CNTNAP2: variants seen among roughly 807,000 people sequenced by gnomAD.
CNTNAP2 encodes contactin associated protein 2.
CNTNAP2 carries 98 observed loss-of-function variants against 155.2 expected under a neutral mutation model. The observed-to-expected ratio is 0.63, with a 90% confidence interval of 0.54 to 0.75. The LOEUF is 0.75. Ranked by LOEUF, CNTNAP2 falls within the 30% of genes least tolerant of loss-of-function variation. CNTNAP2 has a pLI of 0.00. For missense variants in CNTNAP2, 1,727 were observed against 1,688.1 expected (o/e 1.02, Z -0.40); for synonymous variants, 651 against 631.2 (o/e 1.03, Z -0.47).
intron 10 of CNTNAP2, among the ~76,000 whole-genome samples, chr7:147,403,411 T>G (rs1235621648): frequency 2.0e-5 from 3 of 152,174 alleles, no homozygotes; most frequent in African/African-American, 7.2e-5. Context: ...GTCCTTAACC[T>G]CAGCAAAATA....
intron 4 of CNTNAP2, among the ~76,000 whole-genome samples, chr7:147,071,262 A>G (rs1458835392): frequency 6.6e-6 from 1 of 151,978 alleles, no homozygotes; most frequent in Non-Finnish European, 1.5e-5. Context: ...TCTTCTTTTT[A>G]ACAAATAATG....
At chr7:146,414,745 C>A (rs573330479) in intron 1 of CNTNAP2, among the ~76,000 whole-genome samples, 2 of 152,060 alleles carry the variant, frequency 1.3e-5, no homozygotes, top group Non-Finnish European at 2.9e-5. Context: ...CTTGCTTATG[C>A]CTGGTATGCA....
At chr7:148,057,471 A>G (rs1803041686) in intron 15 of CNTNAP2, among the ~76,000 whole-genome samples, 1 of 152,194 alleles carries the variant, frequency 6.6e-6, no homozygotes, top group Non-Finnish European at 1.5e-5. Flanking sequence ...ACTCAGGGTA[A>G]AATAAGAGTA....
At chr7:148,315,492 G>T (rs940306229) in intron 21 of CNTNAP2, among the ~76,000 whole-genome samples, 2 of 152,112 alleles carry the variant, frequency 1.3e-5, no homozygotes, top group East Asian at 1.9e-4. Context: ...AGTTAAGGCA[G>T]GAACAGGCCA....
chr7:146,536,316 A>C (rs1004711601), intron 1 of CNTNAP2, among the ~76,000 whole-genome samples: 2 of 152,098 alleles, frequency 1.3e-5, no homozygotes, highest in Non-Finnish European at 2.9e-5. Flanking sequence ...AGAGCAGCTG[A>C]GAGTAAGCAT....
intron 21 of CNTNAP2, among the ~76,000 whole-genome samples, chr7:148,360,559 TTTAAAAAC>T (rs139471515): frequency 0.024 from 3,714 of 152,234 alleles, 140 homozygotes; most frequent in African/African-American, 0.084. Flanking sequence ...AGTAAACACT[TTTAAAAAC>T]TTAAAAGTGT....
intron 1 of CNTNAP2, among the ~76,000 whole-genome samples, chr7:146,383,289 A>C (rs907992929): frequency 5.3e-5 from 8 of 152,168 alleles, no homozygotes; most frequent in African/African-American, 1.7e-4. Flanking sequence ...CCAATTAATA[A>C]AAATTATAAA....
chr7:146,599,033 T>C (rs1206587457), intron 1 of CNTNAP2, among the ~76,000 whole-genome samples: 2 of 152,010 alleles, frequency 1.3e-5, no homozygotes, highest in East Asian at 3.9e-4. Context: ...GAGTCAGTCA[T>C]TTTTTTCCCT....
intron 13 of CNTNAP2, among the ~76,000 whole-genome samples, chr7:147,888,167 C>T (rs909290478): frequency 6.6e-6 from 1 of 151,974 alleles, no homozygotes; most frequent in African/African-American, 2.4e-5. Context: ...ATAGCATTTT[C>T]AGTCCTACAG....
At chr7:147,083,660 T>C (rs13312156) in intron 4 of CNTNAP2, among the ~76,000 whole-genome samples, 1 of 143,994 alleles carries the variant, frequency 6.9e-6, no homozygotes, top group African/African-American at 2.6e-5. Context: ...ATGCTATATA[T>C]ACATATATAA....
chr7:146,946,890 A>G (rs142142933), intron 3 of CNTNAP2, among the ~76,000 whole-genome samples: 1 of 152,244 alleles, frequency 6.6e-6, no homozygotes, highest in East Asian at 1.9e-4. Context: ...TGATAATTGA[A>G]AAAGAGCAAA....
chr7:147,702,772 G>C (rs1436820656), intron 13 of CNTNAP2, among the ~76,000 whole-genome samples: 1 of 151,980 alleles, frequency 6.6e-6, no homozygotes, highest in Non-Finnish European at 1.5e-5. Context: ...AGCCACAGAG[G>C]GCCCCAAGTT....
chr7:147,244,470 C>A lies in CNTNAP2; in HGVS notation c.1349-55671C>A, dbSNP rs116168937. ...TTTCCTTGTAATTTTCTCTTAATGG[C>A]TGATTAAATCTTGACAATATAAAGC... is the stretch of plus-strand genomic sequence containing the variant. On this transcript the variant is annotated intron_variant, in intron 8 of 23. Coordinates refer to ENST00000361727, the MANE Select transcript of CNTNAP2 (RefSeq NM_014141.6). 8.5e-3 allele frequency among the ~76,000 whole-genome samples: 1,288 copies of A among 152,242 alleles called. 18 individuals carry two copies. The highest frequency in any genetic ancestry group is 0.029 in the African/African-American group (1,225 of 41,532).
chr7:146,556,161 C>CT (rs561504195), intron 1 of CNTNAP2, among the ~76,000 whole-genome samples: 13 of 151,550 alleles, frequency 8.6e-5, no homozygotes, highest in Admixed American at 5.9e-4. Context: ...TAATGTCAGT[C>CT]TTTTTTTTTC....
chr7:147,328,961 A>G (rs1406717663), intron 9 of CNTNAP2, among the ~76,000 whole-genome samples: 2 of 152,144 alleles, frequency 1.3e-5, no homozygotes, highest in African/African-American at 4.8e-5. Flanking sequence ...TGTAACCTCA[A>G]ATTAAATAGA....
rs1799991217 is a variant in CNTNAP2, at chr7:148,416,435, C to T, written c.*819C>T. 1 of 151,980 alleles carries T rather than the reference C, an allele frequency of 6.6e-6. No homozygotes were observed. Among genetic ancestry groups the T allele is most frequent in the South Asian group, 2.1e-4 (1 of 4,820 alleles). The allele number at this position is 151,980 out of a possible 1,614,324, so 9.4% of individuals were successfully genotyped here. A position where few individuals can be genotyped will look rare whatever the true frequency, so the allele number is the denominator to read the frequency against. On this transcript the variant is annotated 3_prime_UTR_variant, in exon 24 of 24. Transcript: ENST00000361727. ...GACCAGCTGTTACAAAAGATTTTTTCCTGTTTTATCTGAAACATACTGGAT... is the reference window on the plus strand; with the variant it reads ...GACCAGCTGTTACAAAAGATTTTTTTCTGTTTTATCTGAAACATACTGGAT...
chr7:147,508,688 A>G (rs1881443), intron 11 of CNTNAP2, among the ~76,000 whole-genome samples: 37,817 of 152,030 alleles, frequency 0.25, 4,822 homozygotes, highest in African/African-American at 0.29. Context: ...ATTAAATCAT[A>G]GGGGCAGATT....
chr7:147,541,708 C>A (rs776184867), intron 11 of CNTNAP2, among the ~76,000 whole-genome samples: 5 of 152,134 alleles, frequency 3.3e-5, no homozygotes, highest in Non-Finnish European at 4.4e-5. Flanking sequence ...TCTATTTGAT[C>A]ATGGAATGCA....
chr7:148,220,141 C>T (rs1041342887), intron 19 of CNTNAP2, among the ~76,000 whole-genome samples: 3 of 152,320 alleles, frequency 2.0e-5, no homozygotes, highest in African/African-American at 7.2e-5. Flanking sequence ...CTCGCTCTGT[C>T]GCCCAGGCCG....
Sources: gnomAD v4.1 joint callset for allele counts (sites outside exome capture counted in the v4.1 genomes callset) on GRCh38, gnomAD v4.1.1 for gene constraint, MANE v1.5 for transcripts, NCBI Gene and HGNC (gene_info 2026-07-23, HGNC 2026-07-21) for gene names.